PRKCI: variants seen among roughly 807,000 people sequenced by gnomAD.
PRKCI encodes the protein protein kinase C iota type.
PRKCI carries 43 observed loss-of-function variants against 84.0 expected under a neutral mutation model. That is an observed-to-expected ratio of 0.51 (90% CI 0.40 to 0.66). The LOEUF is 0.66. Among genes scored for constraint, PRKCI ranks in the 30% least tolerant of loss-of-function variants. The pLI is 0.00. For missense variants in PRKCI, 459 were observed against 745.6 expected (o/e 0.62, Z 4.48); for synonymous variants, 216 against 234.4 (o/e 0.92, Z 0.72).
rs1734272295 is a variant in PRKCI at position 170,282,511 on chromosome 3, A to T, written c.1067+543A>T. Among the ~76,000 whole-genome samples, 3 of 151,906 alleles carry T rather than the reference A, an allele frequency of 2.0e-5. No individual in the cohort carries two copies. In the South Asian group the frequency reaches 6.3e-4, roughly 32 times the overall value. On this transcript the variant is annotated intron_variant, in intron 11 of 17. Coordinates refer to ENST00000295797, the MANE Select transcript of PRKCI (RefSeq NM_002740.6). ...CAGGAGTTTGAGACCAGCCTGGCCA[A>T]CATGGTGAAACCCTGTCTCTACTAA...
intron 12 of PRKCI, among the ~76,000 whole-genome samples, chr3:170,290,091 G>A (rs1302671232): frequency 6.6e-6 from 1 of 151,634 alleles, no homozygotes; most frequent in East Asian, 1.9e-4. Context: ...AAAAAAGGAA[G>A]GCTTGAGTTT....
At chr3:170,263,148 G>T (rs577983838) in intron 3 of PRKCI, among the ~76,000 whole-genome samples, 1 of 139,052 alleles carries the variant, frequency 7.2e-6, no homozygotes, top group Non-Finnish European at 1.5e-5. Context: ...CAGCCTGGGC[G>T]ACAGAGCGAA....
chr3:170,270,644 G>A, intron 6 of PRKCI, 83 bp downstream of exon 6: 5 of 1,429,856 alleles, frequency 3.5e-6, no homozygotes, highest in Middle Eastern at 2.1e-4. Flanking sequence ...AAAATAGGGA[G>A]GTGTTCAGGA....
chr3:170,279,739 G>T (rs79321776), intron 8 of PRKCI, among the ~76,000 whole-genome samples: 2,570 of 152,240 alleles, frequency 0.017, 44 homozygotes, highest in East Asian at 0.085. Context: ...TACATTCTAT[G>T]TATCAAGCTT....
At chr3:170,228,647 A>T (rs1732701136) in intron 1 of PRKCI, among the ~76,000 whole-genome samples, 1 of 151,820 alleles carries the variant, frequency 6.6e-6, no homozygotes, top group African/African-American at 2.4e-5. Context: ...ACACATATAC[A>T]TACACACACA....
intron 7 of PRKCI, 62 bp downstream of exon 7, chr3:170,273,402 A>C: frequency 6.7e-7 from 1 of 1,487,170 alleles, no homozygotes; most frequent in South Asian, 1.2e-5. Context: ...AGACTTACTT[A>C]GGTGACTCTC....
intron 2 of PRKCI, among the ~76,000 whole-genome samples, chr3:170,248,687 A>G (rs543493608): frequency 6.6e-6 from 1 of 152,248 alleles, no homozygotes; most frequent in South Asian, 2.1e-4. Flanking sequence ...TCTTATTTTC[A>G]TACTTCCTTA....
At chr3:170,235,756 G>A (rs980239502) in intron 2 of PRKCI, among the ~76,000 whole-genome samples, 3 of 151,716 alleles carry the variant, frequency 2.0e-5, no homozygotes, top group African/African-American at 7.3e-5. Context: ...AGTAGAGACG[G>A]GGGTTTCGCT....
chr3:170,230,184 G>C, intron 1 of PRKCI, among the ~76,000 whole-genome samples: 1 of 53,286 alleles, frequency 1.9e-5, no homozygotes, highest in East Asian at 6.3e-4. Flanking sequence ...TTTTTTTTTT[G>C]AGACAGAGTC....
At chr3:170,241,929 G>A (rs1223336408) in intron 2 of PRKCI, among the ~76,000 whole-genome samples, 1 of 151,938 alleles carries the variant, frequency 6.6e-6, no homozygotes, top group Non-Finnish European at 1.5e-5. Context: ...GGCCAACATG[G>A]AGAAACCCTG....
At chr3:170,260,388 A>G (rs1470333918) in intron 3 of PRKCI, among the ~76,000 whole-genome samples, 1 of 152,202 alleles carries the variant, frequency 6.6e-6, no homozygotes, top group Non-Finnish European at 1.5e-5. Context: ...TGTTATGTAT[A>G]CAAATAATGA....
chr3:170,245,455 A>G (rs563152359), intron 2 of PRKCI, among the ~76,000 whole-genome samples: 1 of 152,190 alleles, frequency 6.6e-6, no homozygotes, highest in African/African-American at 2.4e-5. Flanking sequence ...TTGTGAGTGG[A>G]GAAACAGTTT....
intron 2 of PRKCI, among the ~76,000 whole-genome samples, chr3:170,237,069 A>G (rs6784397): frequency 1.3e-5 from 2 of 151,982 alleles, no homozygotes; most frequent in African/African-American, 4.8e-5. Context: ...AATGTTTGAC[A>G]TAAACCTGTA....
Position 170,295,944 on chromosome 3 carries a change from C to A in PRKCI, c.1451C>A (p.Ser484Tyr). The stretch of plus-strand genomic sequence containing the variant: ...GAAAAACAAATTCGCATACCACGTT[C>A]TCTGTCTGTAAAAGCTGCAAGTGTT... ...ILEKQIRIPR[S>Y]LSVKAASVLK... is the part of the protein sequence containing the mutation. The change falls in exon 15 of 18, where the codon TCT becomes TAT. Residue 484 changes from serine (S) to tyrosine (Y), a missense_variant. Physicochemically the swap from Ser to Tyr is moderately radical, Grantham distance 144 (BLOSUM62 -2). Coordinates refer to ENST00000295797, the MANE Select transcript of PRKCI (RefSeq NM_002740.6). The A allele has an allele frequency of 6.4e-7, 1 of 1,574,392 alleles. No individual in the cohort carries two copies. The highest frequency in any genetic ancestry group is 1.2e-5 in the South Asian group (1 of 83,758).
At chr3:170,301,900 T>G (rs919354317) in intron 17 of PRKCI, among the ~76,000 whole-genome samples, 3 of 152,146 alleles carry the variant, frequency 2.0e-5, no homozygotes, top group Admixed American at 2.0e-4. Flanking sequence ...ATTTAAGGCC[T>G]CCCCACATCT....
chr3:170,268,034 AAC>A lies in PRKCI; in HGVS notation c.450+36_450+37del, dbSNP rs1196536897. On this transcript the variant is annotated intron_variant, in intron 5 of 17. Coordinates refer to ENST00000295797, the MANE Select transcript of PRKCI (RefSeq NM_002740.6). ...AGTTTGTTGAATGTCGATAATGTGA[AAC>A]AGCTATTTTTTCCCTTTCTACTATG... The A allele has an allele frequency of 2.6e-6, 4 of 1,531,572 alleles. No homozygotes were observed. The African/African-American group carries it at 4.1e-5, about 16-fold the overall frequency. The allele number at this position is 1,531,572 out of a possible 1,614,324, so 94.9% of individuals were successfully genotyped here. A position where few individuals can be genotyped will look rare whatever the true frequency, so the allele number is the denominator to read the frequency against.
chr3:170,269,770 C>G (rs376058956), intron 5 of PRKCI, among the ~76,000 whole-genome samples: 61 of 152,144 alleles, frequency 4.0e-4, no homozygotes, highest in African/African-American at 1.4e-3. Context: ...CCAGCCTGAC[C>G]AACATGGTGA....
At chr3:170,254,613 T>C (rs548499377) in intron 2 of PRKCI, among the ~76,000 whole-genome samples, 139 of 152,284 alleles carry the variant, frequency 9.1e-4, no homozygotes, top group Non-Finnish European at 8.4e-4. Flanking sequence ...TTGGCACCTT[T>C]GTAAAAAATG....
intron 12 of PRKCI, among the ~76,000 whole-genome samples, chr3:170,286,485 C>A: frequency 1.5e-5 from 1 of 65,588 alleles, no homozygotes. Flanking sequence ...AACAATGAGG[C>A]TTTTTTTTTT....
Sources: allele counts gnomAD v4.1 joint callset (sites outside exome capture counted in the v4.1 genomes callset), GRCh38; gene constraint gnomAD v4.1.1; transcripts MANE v1.5; gene names NCBI Gene and HGNC (gene_info 2026-07-23, HGNC 2026-07-21).